Variants in MGAT4C observed in about 807,000 individuals in gnomAD.
MGAT4C encodes the protein alpha-1,3-mannosyl-glycoprotein 4-beta-N-acetylglucosaminyltransferase C.
MGAT4C carries 19 observed loss-of-function variants against 40.1 expected under a neutral mutation model. That is an observed-to-expected ratio of 0.47 (90% CI 0.33 to 0.70). The LOEUF (loss-of-function observed/expected upper bound fraction) is 0.70, where lower values mean the gene tolerates loss of function less well. MGAT4C is among the 30% of genes least tolerant of loss of function. The probability of loss-of-function intolerance (pLI) is 0.02; values close to 1 mark genes in which losing one functional copy is unlikely to be tolerated. For synonymous variants in MGAT4C, 181 were observed against 187.1 expected (o/e 0.97, Z 0.27); for missense variants, 491 against 563.2 (o/e 0.87, Z 1.30).
In MGAT4C at chr12:86,468,516, G is replaced by GT. The variant is rs145459240; in HGVS notation, c.-228-33252dup. On this transcript the variant is annotated intron_variant, in intron 2 of 7. Transcript: ENST00000548651. ...ATATCTAAATGCAGAAGTCTGAGTT[G>GT]TTTTTTTTCTTAAATATAAGTTGGA... Among the ~76,000 whole-genome samples the GT allele has an allele frequency of 1.5e-3, 225 of 151,586 alleles. 1 individual carries two copies. Among genetic ancestry groups the GT allele is most frequent in the African/African-American group, 5.1e-3 (212 of 41,320 alleles).
chr12:86,056,069 A>T lies in MGAT4C; in HGVS notation c.-56-6346T>A, dbSNP rs192254376. Among the ~76,000 whole-genome samples the T allele has an allele frequency of 8.0e-3, 1,220 of 152,260 alleles. 5 individuals are homozygous for T. Among genetic ancestry groups the T allele is most frequent in the Non-Finnish European group, 0.014 (976 of 68,012 alleles). ...TAGTTTCAACAAGTTAAAAAAAATT[A>T]TTCCAGGCATTCTTCTGGATAATTT... On this transcript the variant is annotated intron_variant, in intron 1 of 4. Coordinates refer to ENST00000611864, the MANE Select transcript of MGAT4C (RefSeq NM_001351288.2).
chr12:86,005,889 A>T (rs1254649538), intron 2 of MGAT4C, among the ~76,000 whole-genome samples: 1 of 152,128 alleles, frequency 6.6e-6, no homozygotes, highest in Non-Finnish European at 1.5e-5. Flanking sequence ...TTTGATAAAA[A>T]ATAAGTGTGA....
Position 85,957,359 on chromosome 12 carries a change from A to G in MGAT4C, c.*21930T>C, listed in dbSNP as rs1882849035. ...TGCAAAAATCCCAGAAATTAATTAT[A>G]TTTGGGTCTCATTGAAGGGCATGGG... On this transcript the variant is annotated 3_prime_UTR_variant, in exon 5 of 5. Coordinates refer to ENST00000611864, the MANE Select transcript of MGAT4C (RefSeq NM_001351288.2). The G allele has an allele frequency of 6.6e-6, 1 of 152,198 alleles. No individual in the cohort carries two copies. The allele number at this position is 152,198 out of a possible 1,614,324, so 9.4% of individuals were successfully genotyped here.
chr12:86,121,667 A>T (rs1879400087), intron 1 of MGAT4C, among the ~76,000 whole-genome samples: 1 of 152,194 alleles, frequency 6.6e-6, no homozygotes, highest in African/African-American at 2.4e-5. Context: ...GTGAAGGAGA[A>T]ATAAAATCCT....
At chr12:86,171,704 A>G (rs1886867693) in intron 1 of MGAT4C, among the ~76,000 whole-genome samples, 1 of 152,202 alleles carries the variant, frequency 6.6e-6, no homozygotes, top group South Asian at 2.1e-4. Context: ...ACACATTACC[A>G]AGTCATAATT....
intron 1 of MGAT4C, among the ~76,000 whole-genome samples, chr12:86,078,263 G>A (rs993386322): frequency 6.6e-6 from 1 of 152,118 alleles, no homozygotes; most frequent in African/African-American, 2.4e-5. Context: ...GACTTCAAAA[G>A]GCCATTCCAC....
chr12:86,677,227 T>C (rs1949882940), intron 2 of MGAT4C, among the ~76,000 whole-genome samples: 1 of 152,160 alleles, frequency 6.6e-6, no homozygotes, highest in Non-Finnish European at 1.5e-5. Flanking sequence ...AATGTTACCT[T>C]ATTTCATATT....
chr12:86,692,885 A>T (rs1950195781), intron 2 of MGAT4C, among the ~76,000 whole-genome samples: 1 of 152,118 alleles, frequency 6.6e-6, no homozygotes, highest in African/African-American at 2.4e-5. Flanking sequence ...GCTTGGGATC[A>T]TGTATGGCAT....
At chr12:86,375,472 AT>A (rs557375423) in intron 3 of MGAT4C, among the ~76,000 whole-genome samples, 10 of 150,962 alleles carry the variant, frequency 6.6e-5, no homozygotes, top group South Asian at 6.3e-4. Flanking sequence ...TCTAAGGTTT[AT>A]TTTTTTTTCT....
intron 2 of MGAT4C, among the ~76,000 whole-genome samples, chr12:86,661,665 G>T (rs1450882227): frequency 1.3e-5 from 2 of 152,122 alleles, no homozygotes; most frequent in Non-Finnish European, 2.9e-5. Context: ...CATAAGAAGG[G>T]ACTGGGCATG....
At chr12:86,258,878 G>T (rs1208975082), upstream of MGAT4C, among the ~76,000 whole-genome samples, 3 of 151,894 alleles carry the variant, frequency 2.0e-5, no homozygotes, top group Non-Finnish European at 4.4e-5. Flanking sequence ...TAATGTACTA[G>T]AAATACTTCA....
chr12:86,544,428 G>GT (rs1959182910), intron 2 of MGAT4C, among the ~76,000 whole-genome samples: 1 of 151,880 alleles, frequency 6.6e-6, no homozygotes, highest in Admixed American at 6.6e-5. Flanking sequence ...TTATTTGTGT[G>GT]TAACATTTTG....
At chr12:86,057,416 A>T (rs1186828752) in intron 1 of MGAT4C, among the ~76,000 whole-genome samples, 4 of 152,178 alleles carry the variant, frequency 2.6e-5, no homozygotes, top group African/African-American at 9.7e-5. Context: ...TGTTTGAATA[A>T]ATACATTTCT....
chr12:86,075,098 T>C (rs1161002378), intron 1 of MGAT4C, among the ~76,000 whole-genome samples: 2 of 152,146 alleles, frequency 1.3e-5, no homozygotes, highest in African/African-American at 2.4e-5. Flanking sequence ...AAGTCTTATC[T>C]GAGATAAGGC....
chr12:86,804,431 AT>A (rs1376723498), intron 1 of MGAT4C, among the ~76,000 whole-genome samples: 1 of 150,622 alleles, frequency 6.6e-6, no homozygotes, highest in Admixed American at 6.6e-5. Flanking sequence ...AAATAAAAAA[AT>A]AAAATAAATA....
chr12:86,481,339 A>C (rs1168651407), intron 2 of MGAT4C, among the ~76,000 whole-genome samples: 3 of 152,022 alleles, frequency 2.0e-5, no homozygotes, highest in African/African-American at 7.2e-5. Context: ...AAAGTTACAA[A>C]ACTTAGTGTG....
At chr12:86,298,898 T>G (rs1344587120) in intron 4 of MGAT4C, among the ~76,000 whole-genome samples, 2 of 152,012 alleles carry the variant, frequency 1.3e-5, no homozygotes, top group Non-Finnish European at 2.9e-5. Context: ...GAATTTAAAT[T>G]TATTTATATT....
At chr12:86,423,973 A>G (rs751053321) in intron 3 of MGAT4C, among the ~76,000 whole-genome samples, 66 of 152,234 alleles carry the variant, frequency 4.3e-4, no homozygotes, top group Non-Finnish European at 5.4e-4. Flanking sequence ...ACAATCTTCC[A>G]CTTAGAAATA....
chr12:86,254,103 G>A (rs1054553216), intron 1 of MGAT4C, among the ~76,000 whole-genome samples: 1 of 151,900 alleles, frequency 6.6e-6, no homozygotes, highest in African/African-American at 2.4e-5. Context: ...GAATAGGGCA[G>A]TACAAGTAAC....
Sources: allele counts gnomAD v4.1 joint callset (sites outside exome capture counted in the v4.1 genomes callset), GRCh38; gene constraint gnomAD v4.1.1; transcripts MANE v1.5; gene names NCBI Gene and HGNC (gene_info 2026-07-23, HGNC 2026-07-21).